The following NDST3 variants were observed in gnomAD, a reference collection of about 807,000 sequenced individuals.
NDST3 encodes the protein N-deacetylase and N-sulfotransferase 3.
A neutral mutation model predicts 96.1 loss-of-function variants in NDST3; 58 were observed. The observed-to-expected ratio is 0.60, with a 90% CI of 0.49 to 0.75. NDST3 has a LOEUF of 0.75. Among genes scored for constraint, NDST3 ranks in the 30% least tolerant of loss-of-function variants. The pLI, the probability that NDST3 is intolerant of heterozygous loss-of-function variation, is 0.00. For synonymous variants in NDST3, 333 were observed against 359.7 expected (o/e 0.93, Z 0.84); for missense variants, 788 against 1,034.2 (o/e 0.76, Z 3.27).
chr4:118,169,793 CAAA>C (rs55684244), intron 6 of NDST3, among the ~76,000 whole-genome samples: 7 of 117,306 alleles, frequency 6.0e-5, no homozygotes, highest in Admixed American at 9.0e-5. Context: ...GACTCCATCT[CAAA>C]AAAAAAAAAA....
At chr4:118,218,106 C>T (rs1372715447) in intron 6 of NDST3, among the ~76,000 whole-genome samples, 1 of 152,086 alleles carries the variant, frequency 6.6e-6, no homozygotes, top group Non-Finnish European at 1.5e-5. Flanking sequence ...CGAATTCTAC[C>T]AGAGGTAAAA....
chr4:118,168,104 T>A (rs1735679117), intron 6 of NDST3, among the ~76,000 whole-genome samples: 1 of 151,200 alleles, frequency 6.6e-6, no homozygotes, highest in African/African-American at 2.4e-5. Context: ...TTAAAAAAAA[T>A]AAAATAACCA....
At chr4:118,067,129 A>C (rs1322578268) in intron 2 of NDST3, among the ~76,000 whole-genome samples, 1 of 151,406 alleles carries the variant, frequency 6.6e-6, no homozygotes, top group Non-Finnish European at 1.5e-5. Context: ...TGGGGTAATG[A>C]ATAGTTATAT....
chr4:118,062,249 C>T (rs1725953262), intron 2 of NDST3, among the ~76,000 whole-genome samples: 1 of 152,130 alleles, frequency 6.6e-6, no homozygotes, highest in Non-Finnish European at 1.5e-5. Flanking sequence ...TTTATTTTCC[C>T]TCATCCTTAA....
intron 1 of NDST3, among the ~76,000 whole-genome samples, chr4:118,047,434 T>G (rs1317472091): frequency 6.6e-6 from 1 of 152,192 alleles, no homozygotes; most frequent in East Asian, 1.9e-4. Flanking sequence ...ACAGACATAT[T>G]ATTTAGAATC....
rs1188992448 is a variant in NDST3, at chr4:118,250,643, C to A, written c.2400-2856C>A. On this transcript the variant is annotated intron_variant, in intron 12 of 13. Transcript: ENST00000296499. ...GGGATTACAGGCATGCAGCACCATG[C>A]CCGGCTAATTTTGTATCTTTAGTAG... is the stretch of plus-strand genomic sequence containing the variant. 2.0e-5 allele frequency among the ~76,000 whole-genome samples: 3 copies of A among 152,102 alleles called. No individual in the cohort carries two copies. The East Asian group carries it at 5.8e-4, about 29-fold the overall frequency.
At chr4:118,245,570 G>C (rs1379060995) in intron 12 of NDST3, among the ~76,000 whole-genome samples, 2 of 152,066 alleles carry the variant, frequency 1.3e-5, no homozygotes, top group Non-Finnish European at 2.9e-5. Flanking sequence ...ACCCACTGTA[G>C]ATAAATTTTA....
intron 12 of NDST3, among the ~76,000 whole-genome samples, chr4:118,247,386 T>C (rs915072469): frequency 2.6e-5 from 4 of 152,028 alleles, no homozygotes; most frequent in Non-Finnish European, 5.9e-5. Flanking sequence ...ACCCCAGTTC[T>C]ACTAAAAATA....
intron 6 of NDST3, among the ~76,000 whole-genome samples, chr4:118,167,818 G>T (rs575527481): frequency 6.6e-6 from 1 of 152,030 alleles, no homozygotes; most frequent in Admixed American, 6.6e-5. Context: ...GGAAAAGATG[G>T]TCTCTTCCAC....
At chr4:118,091,472 G>T (rs180717614) in intron 2 of NDST3, among the ~76,000 whole-genome samples, 24 of 151,880 alleles carry the variant, frequency 1.6e-4, no homozygotes, top group Admixed American at 2.6e-4. Flanking sequence ...CTCCTGTTTA[G>T]TGAGAGAAGC....
intron 6 of NDST3, among the ~76,000 whole-genome samples, chr4:118,158,690 A>T (rs1734875232): frequency 6.6e-6 from 1 of 152,236 alleles, no homozygotes; most frequent in Non-Finnish European, 1.5e-5. Context: ...CACAATAGAG[A>T]AATCTGACAG....
chr4:118,062,674 AG>A (rs5861375), intron 2 of NDST3, among the ~76,000 whole-genome samples: 34,161 of 152,022 alleles, frequency 0.22, 4,074 homozygotes, highest in Middle Eastern at 0.28. Context: ...AGATTAGCAA[AG>A]GGAAAAAACA....
chr4:118,194,092 A>C (rs1578795527), intron 6 of NDST3: 2 of 1,395,066 alleles, frequency 1.4e-6, no homozygotes, highest in Non-Finnish European at 2.0e-6. Flanking sequence ...TTTCCTTCCT[A>C]ACACTGCCAA....
intron 6 of NDST3, among the ~76,000 whole-genome samples, chr4:118,169,500 A>G (rs1353454952): frequency 6.6e-6 from 1 of 152,082 alleles, no homozygotes; most frequent in Non-Finnish European, 1.5e-5. Context: ...GAAATCAGAA[A>G]AACCTGAAGT....
chr4:118,214,667 C>T (rs1345027178), intron 6 of NDST3, among the ~76,000 whole-genome samples: 1 of 151,990 alleles, frequency 6.6e-6, no homozygotes, highest in African/African-American at 2.4e-5. Context: ...TTAAAGAACC[C>T]AGGTAAGATT....
intron 2 of NDST3, among the ~76,000 whole-genome samples, chr4:118,074,295 G>C (rs1727318241): frequency 6.6e-6 from 1 of 152,026 alleles, no homozygotes; most frequent in South Asian, 2.1e-4. Context: ...AGGTCCATTT[G>C]GTCAAGTGTC....
chr4:118,134,213 G>A (rs1036834315), intron 4 of NDST3, among the ~76,000 whole-genome samples: 1 of 152,210 alleles, frequency 6.6e-6, no homozygotes, highest in African/African-American at 2.4e-5. Context: ...GAGTTTCAGG[G>A]AAAGTTTCAT....
chr4:118,117,393 G>T (rs1043081902), intron 4 of NDST3, among the ~76,000 whole-genome samples: 2 of 151,982 alleles, frequency 1.3e-5, no homozygotes, highest in Non-Finnish European at 2.9e-5. Context: ...GGACTGACAG[G>T]TAAGAGGGAC....
chr4:118,041,014 C>T (rs187448508), intron 1 of NDST3, among the ~76,000 whole-genome samples: 5 of 151,706 alleles, frequency 3.3e-5, no homozygotes, highest in Admixed American at 2.6e-4. Flanking sequence ...TCCCCTCGTG[C>T]TGGGATTATA....
Sources: gnomAD v4.1 joint callset for allele counts (sites outside exome capture counted in the v4.1 genomes callset) on GRCh38, gnomAD v4.1.1 for gene constraint, MANE v1.5 for transcripts, NCBI Gene and HGNC (gene_info 2026-07-23, HGNC 2026-07-21) for gene names.